The following MGAM variants were observed in gnomAD, a reference collection of about 807,000 sequenced individuals.
MGAM encodes maltase-glucoamylase.
A neutral mutation model predicts 358.8 loss-of-function variants in MGAM; 253 were observed. That is an observed-to-expected ratio of 0.71 (90% CI 0.64 to 0.78). The LOEUF is 0.78. Ranked by LOEUF, MGAM falls within the 30% of genes least tolerant of loss-of-function variation. The probability of loss-of-function intolerance (pLI) is 0.00; values close to 1 mark genes in which losing one functional copy is unlikely to be tolerated. For missense variants in MGAM, 3,080 were observed against 3,432.6 expected (o/e 0.90, Z 2.57); for synonymous variants, 1,105 against 1,227.1 (o/e 0.90, Z 2.08).
chr7:142,007,077 T>C (rs1805223871), intron 2 of MGAM, among the ~76,000 whole-genome samples: 1 of 152,146 alleles, frequency 6.6e-6, no homozygotes, highest in South Asian at 2.1e-4. Context: ...TTTGTTCTTG[T>C]TTCAATTTTA....
chr7:142,041,606 G>A (rs914708221), intron 21 of MGAM, among the ~76,000 whole-genome samples: 1 of 151,352 alleles, frequency 6.6e-6, no homozygotes, highest in African/African-American at 2.4e-5. Context: ...TCACAACCTG[G>A]TTTCACGTTA....
chr7:142,103,461 C>A (rs745339479), intron 70 of MGAM, 22 bp downstream of exon 70: 5 of 1,571,342 alleles, frequency 3.2e-6, no homozygotes, highest in South Asian at 1.2e-5. Context: ...GCAAAAAGTG[C>A]GAATGGTATT....
chr7:142,084,683 C>A lies in MGAM; in HGVS notation c.6507+39C>A. 1.3e-6 allele frequency: 2 copies of A among 1,540,342 alleles called. 1 individual carries two copies. The highest frequency in any genetic ancestry group is 1.8e-6 in the Non-Finnish European group (2 of 1,123,708). The stretch of plus-strand genomic sequence containing the variant: ...CATGGCTCTGGAGTTTGAAAACTAA[C>A]CCAGGTGCCTCTGTGTCTGGCTTCA... On this transcript the variant is annotated intron_variant, in intron 54 of 70. Transcript: ENST00000475668.
At chr7:141,990,480 G>A (rs782059231) in intron 2 of MGAM, among the ~76,000 whole-genome samples, 3 of 151,986 alleles carry the variant, frequency 2.0e-5, no homozygotes, top group African/African-American at 7.3e-5. Context: ...GACAGCTCTG[G>A]GCAGTTTCTT....
At position 142,106,376 on chromosome 7, in the gene MGAM, G is replaced by A. The variant is rs553042727; in HGVS notation, c.*485G>A. The A allele has an allele frequency of 2.0e-5, 3 of 152,536 alleles. No individual in the cohort carries two copies. The highest frequency in any genetic ancestry group is 2.1e-4 in the South Asian group (1 of 4,840). The allele number at this position is 152,536 out of a possible 1,614,324, so 9.4% of individuals were successfully genotyped here. ...ATAATATACCTAATTGGTTATAGGT[G>A]GGGGGAGCATGATAAGCAAAGAAAA... On this transcript the variant is annotated 3_prime_UTR_variant, in exon 71 of 71. Coordinates refer to ENST00000475668, the MANE Select transcript of MGAM (RefSeq NM_001365693.1).
chr7:142,060,209 A>G, intron 33 of MGAM, 102 bp from the exon 34 acceptor site: 4 of 1,491,512 alleles, frequency 2.7e-6, no homozygotes, highest in South Asian at 1.2e-5. Flanking sequence ...TAGTCAAAGT[A>G]TTATTGCTCC....
At chr7:142,002,415 A>G (rs1804805505) in intron 1 of MGAM, among the ~76,000 whole-genome samples, 1 of 152,184 alleles carries the variant, frequency 6.6e-6, no homozygotes. Flanking sequence ...AGGATGATTC[A>G]ACATGCACAA....
In MGAM at chr7:142,056,890, T is replaced by C; in HGVS notation, c.3641T>C (p.Phe1214Ser). 1 of 1,613,854 alleles carries C rather than the reference T, an allele frequency of 6.2e-7. No homozygotes were observed. The highest frequency in any genetic ancestry group is 1.3e-5 in the African/African-American group (1 of 75,016). Residue 1214 changes from phenylalanine to serine, a missense_variant, in exon 30 of 71, where the codon TTT (phenylalanine) becomes TCT (serine). Phe to Ser is a radical substitution (Grantham distance 155, BLOSUM62 -2). This residue lies in a region of MGAM where 1,816 missense variants were observed against 1,840.5 expected (regional missense o/e 0.99). Transcript: ENST00000475668. ...CGCACCACAGGGGGAGTTCTGGACTTTTATGTGTTCTTGGGGCCGACTCCA... is the reference window on the plus strand; with the variant it reads ...CGCACCACAGGGGGAGTTCTGGACTCTTATGTGTTCTTGGGGCCGACTCCA... ...TYRTTGGVLD[F>S]YVFLGPTPEL...
rs1813529941 is a variant in MGAM, at chr7:142,073,827, G to A, written c.5187-258G>A. ...GGTTGCAGAAGCAGCTTTTATTTGA[G>A]CTATTGCAGTGCCTCTGGTGCTTAA... is the stretch of plus-strand genomic sequence containing the variant. On this transcript the variant is annotated intron_variant, in intron 44 of 70. Coordinates refer to ENST00000475668, the MANE Select transcript of MGAM (RefSeq NM_001365693.1). 1.4e-5 allele frequency among the ~76,000 whole-genome samples: 2 copies of A among 145,994 alleles called. 1 individual carries two copies. Among genetic ancestry groups the A allele is most frequent in the South Asian group, 4.4e-4 (2 of 4,560 alleles).
At chr7:141,991,985 G>A (rs1218062205), upstream of MGAM, among the ~76,000 whole-genome samples, 1 of 152,136 alleles carries the variant, frequency 6.6e-6, no homozygotes, top group Non-Finnish European at 1.5e-5. Flanking sequence ...CAGGGTAGGT[G>A]TTCAATAATT....
In MGAM at chr7:142,021,070, G is replaced by A. The variant is rs781807541; in HGVS notation, c.545G>A (p.Arg182His). Residue 182 changes from arginine (R) to histidine (H), a missense_variant, in exon 5 of 71, where the codon CGT becomes CAT. By Grantham distance (29) the Arg-to-His change is conservative. Around this residue, in one of 5 missense-constraint regions of MGAM, gnomAD observed 1,816 missense variants for 1,840.5 expected, o/e 0.99. Coordinates refer to ENST00000475668, the MANE Select transcript of MGAM (RefSeq NM_001365693.1). ...ACAGCAGAATATCAGACATCTAATC[G>A]TTTCCACTTTAAGGTTGTAATTTGT... ...LLTAEYQTSN[R>H]FHFKLTDQTN... 45 of 1,602,518 alleles carry A rather than the reference G, an allele frequency of 2.8e-5. No individual in the cohort carries two copies. The highest frequency in any genetic ancestry group is 3.3e-5 in the Non-Finnish European group (39 of 1,174,674).
At chr7:142,030,515 C>A in intron 11 of MGAM, 22 bp downstream of exon 11, 2 of 1,613,150 alleles carry the variant, frequency 1.2e-6, no homozygotes, top group Non-Finnish European at 1.7e-6. Context: ...CCTCTTTCCA[C>A]CAAATTAGGT....
intron 21 of MGAM, among the ~76,000 whole-genome samples, chr7:142,046,178 T>G (rs1241677580): frequency 4.1e-5 from 6 of 146,178 alleles, no homozygotes; most frequent in East Asian, 3.9e-4. Context: ...TTTTGTTTTG[T>G]TTTTTGCTCC....
chr7:141,999,653 T>C (rs1554450047), intron 1 of MGAM, among the ~76,000 whole-genome samples: 1 of 152,220 alleles, frequency 6.6e-6, no homozygotes, highest in Non-Finnish European at 1.5e-5. Context: ...TCATTAGCAT[T>C]AAAATTGCAT....
intron 3 of MGAM, among the ~76,000 whole-genome samples, chr7:142,018,979 T>C (rs534755298): frequency 6.6e-6 from 1 of 152,260 alleles, no homozygotes; most frequent in East Asian, 1.9e-4. Flanking sequence ...TGCATTTTGC[T>C]TCCCATACTG....
chr7:142,026,147 A>G (rs11982668), intron 8 of MGAM, among the ~76,000 whole-genome samples: 7,568 of 152,228 alleles, frequency 0.05, 419 homozygotes, highest in African/African-American at 0.13. Flanking sequence ...CACAACTTTT[A>G]AGAATGGTGA....
chr7:142,064,467 C>T lies in MGAM; in HGVS notation c.4429C>T (p.Gln1477Ter), dbSNP rs1229883769. The T allele has an allele frequency of 1.3e-6, 2 of 1,592,540 alleles. No individual in the cohort carries two copies. Among genetic ancestry groups the T allele is most frequent in the East Asian group, 2.3e-5 (1 of 43,886 alleles). Residue 1477 changes from glutamine (Q) to a stop codon, truncating the protein, a stop_gained, in exon 37 of 71, where the codon CAG (glutamine) becomes TAG (stop). Coordinates refer to ENST00000475668, the MANE Select transcript of MGAM (RefSeq NM_001365693.1). LOFTEE classifies it high-confidence loss of function. ...GATCCTCCCAGACGGCTCCCTGGTG[C>T]AGCACTACAACGTGCACAACCTGTA... ...QQILPDGSLV[Q>*]HYNVHNLYGW...
In MGAM at chr7:142,083,448, T is replaced by C. The variant is rs116333321; in HGVS notation, c.6381+35T>C. 8.4e-3 allele frequency: 11,901 copies of C among 1,412,694 alleles called. 1,517 individuals carry two copies. The South Asian group carries it at 0.086, about 10-fold the overall frequency. The allele number at this position is 1,412,694 out of a possible 1,614,324, so 87.5% of individuals were successfully genotyped here. A position where few individuals can be genotyped will look rare whatever the true frequency, so the allele number is the denominator to read the frequency against. ...AATCCAATTGTTTATCAAGTACTTA[T>C]ATAGCACATTCTGGGTGCCAGAGCC... On this transcript the variant is annotated intron_variant, in intron 53 of 70. Coordinates refer to ENST00000475668, the MANE Select transcript of MGAM (RefSeq NM_001365693.1).
intron 14 of MGAM, 72 bp from the exon 15 acceptor site, chr7:142,034,190 C>T (rs976220445): frequency 4.1e-5 from 41 of 991,576 alleles, no homozygotes; most frequent in South Asian, 1.4e-4. Flanking sequence ...GCTGTCATTT[C>T]GGATTGTGAT....
Sources: gnomAD v4.1 joint callset for allele counts (sites outside exome capture counted in the v4.1 genomes callset) on GRCh38, gnomAD v4.1.1 for gene constraint, gnomAD v4.1.1 regional missense constraint, MANE v1.5 for transcripts, NCBI Gene and HGNC (gene_info 2026-07-23, HGNC 2026-07-21) for gene names.